Variants in VSTM5 observed in about 807,000 individuals in gnomAD.
VSTM5 encodes V-set and transmembrane domain containing 5.
A neutral mutation model predicts 20.3 loss-of-function variants in VSTM5; 21 were observed. The observed-to-expected ratio is 1.03, with a 90% CI of 0.73 to 1.49. VSTM5 has a LOEUF of 1.49. Ranked by LOEUF, VSTM5 falls within the 40% of genes most tolerant of loss-of-function variation. VSTM5 has a pLI of 0.00. For synonymous variants in VSTM5, 100 were observed against 102.5 expected (o/e 0.98, Z 0.14); for missense variants, 219 against 250.0 (o/e 0.88, Z 0.84).
At chr11:93,848,367 C>T (rs899242038) in intron 1 of VSTM5, among the ~76,000 whole-genome samples, 2 of 152,202 alleles carry the variant, frequency 1.3e-5, no homozygotes, top group Non-Finnish European at 2.9e-5. Flanking sequence ...TAGCACTGGG[C>T]AAGTGCTAGG....
Position 93,819,098 on chromosome 11 carries a change from T to C in VSTM5, c.*1471A>G, listed in dbSNP as rs1284687691. On this transcript the variant is annotated 3_prime_UTR_variant, in exon 4 of 4. Transcript: ENST00000409977. ...TATTGAGGGAAAGGGCTGTAACTTA[T>C]CCAAGCAACTCCTCTGCCACATAGG... 6.6e-6 allele frequency: 1 copy of C among 152,014 alleles called. No homozygotes were observed. The highest frequency in any genetic ancestry group is 1.5e-5 in the Non-Finnish European group (1 of 67,930). 9.4% of individuals were successfully genotyped at this position (152,014 alleles called of 1,614,324 possible).
chr11:93,835,050 T>G (rs1331361277), intron 1 of VSTM5, among the ~76,000 whole-genome samples: 1 of 152,136 alleles, frequency 6.6e-6, no homozygotes, highest in Non-Finnish European at 1.5e-5. Flanking sequence ...CAGGACTCTA[T>G]AGAGAGGTCT....
intron 1 of VSTM5, among the ~76,000 whole-genome samples, chr11:93,846,869 C>T (rs896446099): frequency 1.3e-5 from 2 of 150,536 alleles, no homozygotes; most frequent in East Asian, 3.9e-4. Flanking sequence ...CGGGTTCAAG[C>T]GATTCTCCTG....
chr11:93,834,078 C>G (rs77964371), intron 1 of VSTM5, among the ~76,000 whole-genome samples: 6,259 of 152,156 alleles, frequency 0.041, 397 homozygotes, highest in African/African-American at 0.14. Flanking sequence ...TTCATCATAT[C>G]TACCTGGTAA....
intron 1 of VSTM5, 64 bp downstream of exon 1, chr11:93,850,348 C>G: frequency 7.0e-7 from 1 of 1,422,384 alleles, no homozygotes; most frequent in Non-Finnish European, 9.6e-7. Flanking sequence ...GACCCCGGGG[C>G]CCCGCCCGTG....
At chr11:93,844,176 G>C (rs1396243566) in intron 1 of VSTM5, among the ~76,000 whole-genome samples, 1 of 152,256 alleles carries the variant, frequency 6.6e-6, no homozygotes, top group Non-Finnish European at 1.5e-5. Context: ...AAGGGAGAAA[G>C]TTCTGGTTCA....
chr11:93,847,566 G>C (rs760469381), intron 1 of VSTM5, among the ~76,000 whole-genome samples: 1 of 152,252 alleles, frequency 6.6e-6, no homozygotes, highest in African/African-American at 2.4e-5. Flanking sequence ...TTGGAAAAAA[G>C]CAAGTTGATT....
At chr11:93,824,740 C>G (rs1184077443) in intron 1 of VSTM5, among the ~76,000 whole-genome samples, 1 of 152,152 alleles carries the variant, frequency 6.6e-6, no homozygotes, top group Non-Finnish European at 1.5e-5. Context: ...AAGTTATTGC[C>G]AAGACCAATG....
chr11:93,827,117 C>T (rs907184712), intron 1 of VSTM5, among the ~76,000 whole-genome samples: 9 of 152,292 alleles, frequency 5.9e-5, no homozygotes, highest in African/African-American at 1.7e-4. Context: ...GACACGGTGG[C>T]TCATGCCTGT....
At chr11:93,846,150 C>G (rs1301643803) in intron 1 of VSTM5, among the ~76,000 whole-genome samples, 1 of 151,790 alleles carries the variant, frequency 6.6e-6, no homozygotes, top group Non-Finnish European at 1.5e-5. Context: ...GCCACTGTGC[C>G]CAGCTTCAAA....
At chr11:93,842,866 C>T (rs568660737) in intron 1 of VSTM5, among the ~76,000 whole-genome samples, 26 of 152,274 alleles carry the variant, frequency 1.7e-4, no homozygotes, top group African/African-American at 5.5e-4. Context: ...CTTTGGGAGG[C>T]CAAGGCAGGT....
intron 1 of VSTM5, among the ~76,000 whole-genome samples, chr11:93,840,740 G>A (rs1330140644): frequency 6.6e-6 from 1 of 152,020 alleles, no homozygotes; most frequent in Non-Finnish European, 1.5e-5. Flanking sequence ...AGGTGATCAC[G>A]GAACTAGATT....
At chr11:93,839,590 A>G (rs915267027) in intron 1 of VSTM5, among the ~76,000 whole-genome samples, 1 of 152,190 alleles carries the variant, frequency 6.6e-6, no homozygotes, top group South Asian at 2.1e-4. Context: ...TTAAAAAGAA[A>G]TATTATCATA....
At chr11:93,836,338 C>T (rs74357963) in intron 1 of VSTM5, among the ~76,000 whole-genome samples, 6,434 of 152,266 alleles carry the variant, frequency 0.042, 434 homozygotes, top group African/African-American at 0.15. Flanking sequence ...TGTTTAAAAC[C>T]CTTGTCTGGC....
intron 1 of VSTM5, among the ~76,000 whole-genome samples, chr11:93,846,267 T>C (rs1020830424): frequency 2.0e-5 from 3 of 152,170 alleles, no homozygotes; most frequent in African/African-American, 4.8e-5. Context: ...CCTTAGGTCC[T>C]GGGGATAATG....
At chr11:93,838,680 C>G (rs1399108188) in intron 1 of VSTM5, among the ~76,000 whole-genome samples, 6 of 151,626 alleles carry the variant, frequency 4.0e-5, no homozygotes, top group African/African-American at 1.5e-4. Flanking sequence ...GCCTGTGTTC[C>G]CAGCTACTGG....
At chr11:93,830,615 G>T (rs1944274620) in intron 1 of VSTM5, among the ~76,000 whole-genome samples, 1 of 152,234 alleles carries the variant, frequency 6.6e-6, no homozygotes, top group Admixed American at 6.5e-5. Flanking sequence ...CCAGGAGAGA[G>T]CAGGAAAGGA....
At chr11:93,846,927 C>T (rs1006332064) in intron 1 of VSTM5, among the ~76,000 whole-genome samples, 11 of 151,676 alleles carry the variant, frequency 7.3e-5, no homozygotes, top group South Asian at 4.2e-4. Context: ...CCACCACGCC[C>T]GGCTAATTTT....
chr11:93,848,882 AG>A (rs1049138080), intron 1 of VSTM5, among the ~76,000 whole-genome samples: 1 of 152,224 alleles, frequency 6.6e-6, no homozygotes, highest in African/African-American at 2.4e-5. Flanking sequence ...TATGGTGATT[AG>A]AAACAAGTGA....
Sources: gnomAD v4.1 joint callset for allele counts (sites outside exome capture counted in the v4.1 genomes callset) on GRCh38, gnomAD v4.1.1 for gene constraint, MANE v1.5 for transcripts, NCBI Gene and HGNC (gene_info 2026-07-23, HGNC 2026-07-21) for gene names.